The following TET1 variants were observed in gnomAD, a reference collection of about 807,000 sequenced individuals.
The protein encoded by TET1 is tet methylcytosine dioxygenase 1.
In TET1, 13 loss-of-function variants were observed where a neutral mutation model predicts 148.7. That is an observed-to-expected ratio of 0.09 (90% CI 0.06 to 0.14). The LOEUF (loss-of-function observed/expected upper bound fraction) is 0.14, where lower values mean the gene tolerates loss of function less well. TET1 is among the 10% of genes least tolerant of loss of function. TET1 has a pLI of 1.00. For synonymous variants in TET1, 907 were observed against 937.2 expected, an observed-to-expected ratio of 0.97 and a Z score of 0.59; for missense variants, 2,182 against 2,553.8, an observed-to-expected ratio of 0.85 and a Z score of 3.14.
At chr10:68,633,341 A>T (rs957023084) in intron 3 of TET1, among the ~76,000 whole-genome samples, 14 of 151,258 alleles carry the variant, frequency 9.3e-5, no homozygotes, top group African/African-American at 2.2e-4. Flanking sequence ...TTGTTTTTTT[A>T]AAAATTAATA....
intron 2 of TET1, among the ~76,000 whole-genome samples, chr10:68,585,964 C>T (rs1367003374): frequency 2.7e-5 from 4 of 149,102 alleles, no homozygotes; most frequent in South Asian, 2.1e-4. Flanking sequence ...GCTGAGATAG[C>T]GCCACTGTAC....
chr10:68,600,262 T>A (rs1318108560), intron 2 of TET1, among the ~76,000 whole-genome samples: 1 of 151,994 alleles, frequency 6.6e-6, no homozygotes, highest in Non-Finnish European at 1.5e-5. Context: ...AGCGCACCCC[T>A]CCCCCATGCA....
In TET1 at chr10:68,672,737, T is replaced by A. The variant is rs1046314320; in HGVS notation, c.4674-158T>A. 5.9e-5 allele frequency among the ~76,000 whole-genome samples: 9 copies of A among 152,152 alleles called. No homozygotes were observed. The East Asian group carries it at 1.7e-3, about 29-fold the overall frequency. ...GAAAAAACAAAAGTTAGCTTTTTAT[T>A]GTTAACATTAAACTATTTTAAATAA... On this transcript the variant is annotated intron_variant, in intron 7 of 11. Coordinates refer to ENST00000373644, the MANE Select transcript of TET1 (RefSeq NM_030625.3).
At chr10:68,561,520 C>T (rs1049778551) in intron 1 of TET1, among the ~76,000 whole-genome samples, 1 of 152,164 alleles carries the variant, frequency 6.6e-6, no homozygotes, top group Admixed American at 6.5e-5. Flanking sequence ...CCCATCAGTC[C>T]CCGTCTGGCG....
chr10:68,679,754 A>G (rs1032420078), intron 8 of TET1, among the ~76,000 whole-genome samples: 11 of 151,960 alleles, frequency 7.2e-5, no homozygotes, highest in Non-Finnish European at 1.3e-4. Context: ...GCTCACTGCA[A>G]TCTTCACCTC....
intron 3 of TET1, among the ~76,000 whole-genome samples, chr10:68,635,363 G>A (rs1356571717): frequency 6.6e-6 from 1 of 152,066 alleles, no homozygotes; most frequent in Non-Finnish European, 1.5e-5. Context: ...GGAAGCTAAA[G>A]TGAGAGGACT....
At chr10:68,560,998 C>G (rs1464693618) in intron 1 of TET1, among the ~76,000 whole-genome samples, 2 of 152,202 alleles carry the variant, frequency 1.3e-5, no homozygotes, top group Non-Finnish European at 2.9e-5. Flanking sequence ...TCCGGAGGCC[C>G]CGCCACAGCG....
chr10:68,585,664 C>A, intron 2 of TET1, among the ~76,000 whole-genome samples: 1 of 151,936 alleles, frequency 6.6e-6, no homozygotes. Flanking sequence ...GAAAGGAAAT[C>A]ATATGTCCAC....
intron 3 of TET1, among the ~76,000 whole-genome samples, chr10:68,604,488 C>T (rs1344650434): frequency 6.6e-6 from 1 of 152,176 alleles, no homozygotes; most frequent in Non-Finnish European, 1.5e-5. Flanking sequence ...AATGTAGCTA[C>T]AGCTGAGTAG....
At chr10:68,611,120 C>T (rs927012831) in intron 3 of TET1, among the ~76,000 whole-genome samples, 5 of 151,860 alleles carry the variant, frequency 3.3e-5, no homozygotes, top group Admixed American at 2.6e-4. Flanking sequence ...TGGTGAAACC[C>T]CGTCTCTACT....
intron 3 of TET1, among the ~76,000 whole-genome samples, chr10:68,642,978 T>C (rs1233988309): frequency 6.6e-6 from 1 of 151,992 alleles, no homozygotes; most frequent in Non-Finnish European, 1.5e-5. Context: ...AAAAATTAGG[T>C]TGGGTGCAGC....
Position 68,645,468 on chromosome 10 carries a change from A to G in TET1, c.2739A>G (p.Ser913=). 1.2e-6 allele frequency: 2 copies of G among 1,613,880 alleles called. No homozygotes were observed. Among genetic ancestry groups the G allele is most frequent in the Non-Finnish European group, 1.7e-6 (2 of 1,180,034 alleles). ...CAGAGAATTCCTCCCCATCAAAGTC[A>G]GAGAAGGATGAGGAATCAGAGCAGA... The part of the protein sequence containing the change: ...APSENSSPSK[S]EKDEESEQRT... The change falls in exon 4 of 12, where the codon TCA becomes TCG. Residue 913 remains serine, a synonymous_variant. Coordinates refer to ENST00000373644, the MANE Select transcript of TET1 (RefSeq NM_030625.3).
intron 3 of TET1, among the ~76,000 whole-genome samples, chr10:68,635,246 A>G (rs895663091): frequency 7.2e-5 from 11 of 151,984 alleles, no homozygotes; most frequent in African/African-American, 9.7e-5. Flanking sequence ...AAAAATGCCT[A>G]TCTAATAGGC....
Position 68,691,195 on chromosome 10 carries a change from CTG to C in TET1, c.5793_5794del (p.Glu1932AlafsTer29). 1 of 1,614,194 alleles carries C rather than the reference CTG, an allele frequency of 6.2e-7. No individual in the cohort carries two copies. Among genetic ancestry groups the C allele is most frequent in the Non-Finnish European group, 8.5e-7 (1 of 1,180,036 alleles). On this transcript the variant is annotated frameshift_variant, in exon 12 of 12. Coordinates refer to ENST00000373644, the MANE Select transcript of TET1 (RefSeq NM_030625.3). LOFTEE classifies it low-confidence loss of function (END_TRUNC). The surrounding 1 kb of genome is among the most constrained non-coding windows in gnomAD (Gnocchi z 4.4). ...AATTCTGAGCCTTCCACTGGTGTGACTGAGCCGCTAACGCCTCATCAGCCAAA... is the reference window on the plus strand; with the variant it reads ...AATTCTGAGCCTTCCACTGGTGTGACAGCCGCTAACGCCTCATCAGCCAAA...
At chr10:68,678,077 AAGG>A (rs1297383549) in intron 8 of TET1, among the ~76,000 whole-genome samples, 1 of 152,320 alleles carries the variant, frequency 6.6e-6, no homozygotes, top group East Asian at 1.9e-4. Context: ...AAAGAGTTTT[AAGG>A]AGGAGAGTGA....
At chr10:68,642,311 G>A (rs1407825159) in intron 3 of TET1, among the ~76,000 whole-genome samples, 1 of 152,104 alleles carries the variant, frequency 6.6e-6, no homozygotes, top group Non-Finnish European at 1.5e-5. Context: ...ACAGGCGCCT[G>A]TAGACCCAGC....
At chr10:68,680,030 CAA>C (rs2133216938) in intron 8 of TET1, among the ~76,000 whole-genome samples, 1 of 151,848 alleles carries the variant, frequency 6.6e-6, no homozygotes, top group African/African-American at 2.4e-5. Context: ...GATTAACAGA[CAA>C]ATCTATGAAT....
At chr10:68,623,994 C>G (rs1259246138) in intron 3 of TET1, among the ~76,000 whole-genome samples, 3 of 152,176 alleles carry the variant, frequency 2.0e-5, no homozygotes, top group African/African-American at 7.2e-5. Flanking sequence ...CCATATTTTT[C>G]AGCTGACTTG....
chr10:68,664,338 G>GTA (rs1055136657), intron 6 of TET1, among the ~76,000 whole-genome samples: 19 of 151,542 alleles, frequency 1.3e-4, no homozygotes, highest in Non-Finnish European at 1.6e-4. Context: ...TATATAATGT[G>GTA]TATATATATA....
Sources: allele counts gnomAD v4.1 joint callset (sites outside exome capture counted in the v4.1 genomes callset), GRCh38; gene constraint gnomAD v4.1.1; non-coding constraint Gnocchi (gnomAD v3.1); transcripts MANE v1.5; gene names NCBI Gene and HGNC (gene_info 2026-07-23, HGNC 2026-07-21).